Variants in CES3 observed in about 807,000 individuals in gnomAD.
CES3 encodes carboxylesterase 3 (brain).
A neutral mutation model predicts 57.6 loss-of-function variants in CES3; 49 were observed. The observed-to-expected ratio is 0.85, with a 90% CI of 0.68 to 1.08. The LOEUF is 1.08. Among genes scored for constraint, CES3 ranks in the 50% least tolerant of loss-of-function variants. CES3 has a pLI of 0.00. For synonymous variants in CES3, 266 were observed against 281.6 expected (o/e 0.94, Z 0.55); for missense variants, 645 against 742.0 (o/e 0.87, Z 1.52).
chr16:66,972,910 A>G lies in CES3; in HGVS notation c.1577A>G (p.Tyr526Cys), dbSNP rs1963866049. The G allele has an allele frequency of 6.2e-7, 1 of 1,614,014 alleles. No homozygotes were observed. The highest frequency in any genetic ancestry group is 8.5e-7 in the Non-Finnish European group (1 of 1,180,030). ...CCCCAATTCAACCAGGCGGAACAAT[A>G]TCTGGAGATCAACCCAGTGCCACGG... ...PWPQFNQAEQYLEINPVPRAG... is the reference protein window; with the variant it reads ...PWPQFNQAEQCLEINPVPRAG... The change falls in exon 13 of 13, where the codon TAT (tyrosine) becomes TGT (cysteine). Residue 526 changes from tyrosine to cysteine, a missense_variant. Physicochemically the swap from Tyr to Cys is radical, Grantham distance 194. Transcript: ENST00000303334.
chr16:66,971,551 G>A (rs71649604), intron 10 of CES3, among the ~76,000 whole-genome samples: 3,199 of 152,274 alleles, frequency 0.021, 81 homozygotes, highest in South Asian at 0.075. Context: ...GAGGTACAAT[G>A]ACTCACCAAA....
chr16:66,971,381 A>G, intron 10 of CES3, 62 bp downstream of exon 10: 2 of 1,557,524 alleles, frequency 1.3e-6, no homozygotes, highest in Non-Finnish European at 1.8e-6. Context: ...CTGGGTCATC[A>G]CAGGTGACAT....
rs1404128969 is a variant in CES3 at position 66,974,392 on chromosome 16, C to T, written c.*1343C>T. 2.0e-5 allele frequency: 3 copies of T among 152,354 alleles called. No individual in the cohort carries two copies. The highest frequency in any genetic ancestry group is 1.5e-5 in the Non-Finnish European group (1 of 68,146). The allele number at this position is 152,354 out of a possible 1,614,324, so 9.4% of individuals were successfully genotyped here. A position where few individuals can be genotyped will look rare whatever the true frequency, so the allele number is the denominator to read the frequency against. ...CTCAGAGCAGCTGGCCGGCCCCAGG[C>T]AGTGAGGGCCTTAGCACCTGGGCCA... is the stretch of plus-strand genomic sequence containing the variant. On this transcript the variant is annotated 3_prime_UTR_variant, in exon 13 of 13. Transcript: ENST00000303334.
In CES3 at chr16:66,971,348, C is replaced by A. The variant is rs774328616; in HGVS notation, c.1291+29C>A. ...AGCCTGTCCCTGGCCACCTGCCCAA[C>A]CCCTCCCACTTGGGCCCAGGAGCTG... On this transcript the variant is annotated intron_variant, in intron 10 of 12. Coordinates refer to ENST00000303334, the MANE Select transcript of CES3 (RefSeq NM_024922.6). 16 of 1,602,642 alleles carry A rather than the reference C, an allele frequency of 1.0e-5. No homozygotes were observed. The African/African-American group carries it at 1.3e-4, about 13-fold the overall frequency.
At chr16:66,966,939 C>A in intron 8 of CES3, 74 bp downstream of exon 8, 1 of 1,556,478 alleles carries the variant, frequency 6.4e-7, no homozygotes, top group South Asian at 1.1e-5. Context: ...ATCAACACTA[C>A]AGCCTTGTGA....
At chr16:66,964,224 A>G (rs952559575) in intron 4 of CES3, 133 bp from the exon 5 acceptor site, 21 of 1,281,214 alleles carry the variant, frequency 1.6e-5, no homozygotes, top group Non-Finnish European at 2.0e-5. Context: ...GGAGATGCCA[A>G]CCACGGCTCC....
At chr16:66,967,451 C>T (rs1231272556) in intron 8 of CES3, 13 of 960,992 alleles carry the variant, frequency 1.4e-5, no homozygotes, top group Non-Finnish European at 1.6e-5. Flanking sequence ...CTGGTTTATA[C>T]ATCAGGCTCT....
intron 9 of CES3, among the ~76,000 whole-genome samples, chr16:66,970,360 G>A (rs560276356): frequency 3.3e-5 from 5 of 152,214 alleles, no homozygotes; most frequent in South Asian, 4.1e-4. Flanking sequence ...CACCCGCCTC[G>A]GCCTCCCAAA....
chr16:66,973,297 C>A lies in CES3; in HGVS notation c.*248C>A. ...CTGCTTTCTTCGTGGTAGGTTCTAGCACATTCCTCTAGCTTCCTGGAGGAC... is the reference window on the plus strand; with the variant it reads ...CTGCTTTCTTCGTGGTAGGTTCTAGAACATTCCTCTAGCTTCCTGGAGGAC... On this transcript the variant is annotated 3_prime_UTR_variant, in exon 13 of 13. Coordinates refer to ENST00000303334, the MANE Select transcript of CES3 (RefSeq NM_024922.6). The A allele has an allele frequency of 2.1e-6, 1 of 476,238 alleles. No individual in the cohort carries two copies. The highest frequency in any genetic ancestry group is 3.8e-6 in the Non-Finnish European group (1 of 263,166). The allele number at this position is 476,238 out of a possible 1,614,324, so 29.5% of individuals were successfully genotyped here.
chr16:66,966,545 T>G, intron 7 of CES3, 180 bp from the exon 8 acceptor site: 1 of 840,374 alleles, frequency 1.2e-6, no homozygotes. Context: ...GGAAAGAAAC[T>G]GGACGCATCT....
Position 66,971,310 on chromosome 16 carries a change from T to C in CES3, c.1282T>C (p.Tyr428His), listed in dbSNP as rs1043545862. The C allele has an allele frequency of 1.2e-5, 20 of 1,613,576 alleles. No homozygotes were observed. The highest frequency in any genetic ancestry group is 1.4e-5 in the Non-Finnish European group (17 of 1,179,658). ...TGTTCCCACCGTCAGTTTTTCAAGA[T>C]ACCTTCGAGGTAAGCCTGTCCCTGG... is the stretch of plus-strand genomic sequence containing the variant. ...INVPTVSFSR[Y>H]LRDSGSPVFF... The change falls in exon 10 of 13, where the codon TAC becomes CAC. Residue 428 changes from tyrosine (Y) to histidine (H), a missense_variant. Coordinates refer to ENST00000303334, the MANE Select transcript of CES3 (RefSeq NM_024922.6).
chr16:66,963,647 C>T lies in CES3; in HGVS notation c.426+18C>T, dbSNP rs371478483. 153 of 1,613,896 alleles carry T rather than the reference C, an allele frequency of 9.5e-5. 1 individual carries two copies. In the African/African-American group the frequency reaches 1.5e-3, roughly 16 times the overall value. On this transcript the variant is annotated intron_variant, in intron 3 of 12. Coordinates refer to ENST00000303334, the MANE Select transcript of CES3 (RefSeq NM_024922.6). The surrounding 1 kb of genome is among the most constrained non-coding windows in gnomAD (Gnocchi z 4.9). ...GTAGGCCGGTAGGCACCCCAGAGGG[C>T]CCTGTCCACCTGATCCAGCTCCACT...
At chr16:66,967,463 T>G in intron 8 of CES3, 532 of 969,606 alleles carry the variant, frequency 5.5e-4, no homozygotes, top group South Asian at 6.2e-4. Context: ...TCAGGCTCTA[T>G]GAGACTGGTT....
rs1963873357 is a variant in CES3, at chr16:66,973,165, G to C, written c.*116G>C. 4.4e-6 allele frequency: 4 copies of C among 903,736 alleles called. No individual in the cohort carries two copies. The highest frequency in any genetic ancestry group is 6.7e-6 in the Non-Finnish European group (4 of 597,048). The allele number at this position is 903,736 out of a possible 1,614,324, so 56.0% of individuals were successfully genotyped here. A position where few individuals can be genotyped will look rare whatever the true frequency, so the allele number is the denominator to read the frequency against. Reference sequence around the variant, plus strand: ...ACTTTAATCTCCACCAGCCCTTAAAGTGTCGGCCGCTCTGTGACTGGAGTT... The same window carrying C: ...ACTTTAATCTCCACCAGCCCTTAAACTGTCGGCCGCTCTGTGACTGGAGTT... On this transcript the variant is annotated 3_prime_UTR_variant, in exon 13 of 13. Coordinates refer to ENST00000303334, the MANE Select transcript of CES3 (RefSeq NM_024922.6).
chr16:66,968,463 G>A (rs140002384), intron 8 of CES3, among the ~76,000 whole-genome samples: 128 of 152,246 alleles, frequency 8.4e-4, no homozygotes, highest in South Asian at 3.5e-3. Flanking sequence ...GCTGCACCCG[G>A]TCCTGGCAAC....
In CES3 at chr16:66,963,680, C is replaced by A; in HGVS notation, c.426+51C>A. 6.2e-7 allele frequency: 1 copy of A among 1,613,520 alleles called. No homozygotes were observed. The highest frequency in any genetic ancestry group is 8.5e-7 in the Non-Finnish European group (1 of 1,179,884). On this transcript the variant is annotated intron_variant, in intron 3 of 12. Coordinates refer to ENST00000303334, the MANE Select transcript of CES3 (RefSeq NM_024922.6). This position sits in a 1 kb window ranked among gnomAD's most constrained non-coding sequence, Gnocchi z 4.9. ...ACCTGATCCAGCTCCACTATGCCTACCTGTCCCCTCCCCGTCCCTGTTTCC... is the reference window on the plus strand; with the variant it reads ...ACCTGATCCAGCTCCACTATGCCTAACTGTCCCCTCCCCGTCCCTGTTTCC...
chr16:66,964,863 G>A (rs1015314787), intron 6 of CES3, 136 bp downstream of exon 6: 3 of 640,044 alleles, frequency 4.7e-6, no homozygotes, highest in Non-Finnish European at 8.0e-6. Context: ...TAAGACGAAG[G>A]AGCATCAGAG....
rs999549914 is a variant in CES3, at chr16:66,962,990, G to A, written c.83-189G>A. ...GCCCGGTCTGGCCTGGAGTGGAGTG[G>A]TAGTGACTCTCAGGCAGGCAGGGAG... On this transcript the variant is annotated intron_variant, in intron 1 of 12. Coordinates refer to ENST00000303334, the MANE Select transcript of CES3 (RefSeq NM_024922.6). The A allele has an allele frequency of 4.2e-6, 3 of 716,444 alleles. No homozygotes were observed. In the East Asian group the frequency reaches 8.0e-5, roughly 19 times the overall value. 44.4% of individuals were successfully genotyped at this position (716,444 alleles called of 1,614,324 possible).
intron 7 of CES3, 92 bp downstream of exon 7, chr16:66,966,437 G>GCCCCAC: frequency 1.5e-6 from 2 of 1,302,386 alleles, no homozygotes; most frequent in Non-Finnish European, 2.1e-6. Flanking sequence ...TCTACCCCCA[G>GCCCCAC]GTGGGGCTGG....
Sources: allele counts gnomAD v4.1 joint callset (sites outside exome capture counted in the v4.1 genomes callset), GRCh38; gene constraint gnomAD v4.1.1; non-coding constraint Gnocchi (gnomAD v3.1); transcripts MANE v1.5; gene names NCBI Gene and HGNC (gene_info 2026-07-23, HGNC 2026-07-21).